The following SUSD5 variants were observed in gnomAD, a reference collection of about 807,000 sequenced individuals.
The protein encoded by SUSD5 is sushi domain-containing protein 5.
Under a neutral mutation model 29.5 loss-of-function variants are expected in SUSD5, and 33 were observed. The ratio of observed to expected loss-of-function variants is 1.12; its 90% CI spans 0.85 to 1.49. The LOEUF (loss-of-function observed/expected upper bound fraction) is 1.49, where lower values mean the gene tolerates loss of function less well. Ranked by LOEUF, SUSD5 falls within the 40% of genes most tolerant of loss-of-function variation. SUSD5 has a pLI of 0.00. For missense variants in SUSD5, 776 were observed against 800.6 expected, an observed-to-expected ratio of 0.97 and a Z score of 0.37; for synonymous variants, 308 against 325.3, an observed-to-expected ratio of 0.95 and a Z score of 0.57.
intron 4 of SUSD5, among the ~76,000 whole-genome samples, chr3:33,166,977 G>A (rs1362428384): frequency 6.6e-5 from 10 of 152,000 alleles, no homozygotes; most frequent in African/African-American, 2.2e-4. Context: ...TCAGGAGTTC[G>A]AGACCAGCCT....
At position 33,150,694 on chromosome 3, in the gene SUSD5, A is replaced by G. The variant is rs2030852580; in HGVS notation, c.*2048T>C. On this transcript the variant is annotated 3_prime_UTR_variant, in exon 5 of 5. Coordinates refer to ENST00000309558, the MANE Select transcript of SUSD5 (RefSeq NM_015551.2). ...ACTATGGGGAATAAGATCTTTGATTATGCTGCCTCTCTTTACAGCTACTTC... is the reference window on the plus strand; with the variant it reads ...ACTATGGGGAATAAGATCTTTGATTGTGCTGCCTCTCTTTACAGCTACTTC... 2 of 152,212 alleles carry G rather than the reference A, an allele frequency of 1.3e-5. No individual in the cohort carries two copies. The highest frequency in any genetic ancestry group is 2.9e-5 in the Non-Finnish European group (2 of 68,034). 9.4% of individuals were successfully genotyped at this position (152,212 alleles called of 1,614,324 possible). A position where few individuals can be genotyped will look rare whatever the true frequency, so the allele number is the denominator to read the frequency against.
chr3:33,153,124 A>G lies in SUSD5; in HGVS notation c.1508T>C (p.Val503Ala), dbSNP rs776681212. Residue 503 changes from valine to alanine, a missense_variant, in exon 5 of 5, where the codon GTC becomes GCC. Transcript: ENST00000309558. ...GGGGATGTGGTTAGGTGTCTGCTTG[A>G]CAGTGTTCACTGTTAATATCTCCAG... ...STLEILTVNT[V>A]KQTPNHIPST... 4 of 1,613,794 alleles carry G rather than the reference A, an allele frequency of 2.5e-6. No individual in the cohort carries two copies. Among genetic ancestry groups the G allele is most frequent in the Non-Finnish European group, 3.4e-6 (4 of 1,179,824 alleles).
intron 3 of SUSD5, among the ~76,000 whole-genome samples, chr3:33,188,326 C>A (rs2125625635): frequency 6.6e-6 from 1 of 152,236 alleles, no homozygotes; most frequent in Non-Finnish European, 1.5e-5. Context: ...CTGATCTTTC[C>A]TCCTTCCTTT....
rs1229165477 is a variant in SUSD5 at position 33,150,995 on chromosome 3, C to G, written c.*1747G>C. ...CATTTCTGTGCCAACATACAGGAGA[C>G]TATTGCAGGTGGCATTTAGGCAGCT... On this transcript the variant is annotated 3_prime_UTR_variant, in exon 5 of 5. Coordinates refer to ENST00000309558, the MANE Select transcript of SUSD5 (RefSeq NM_015551.2). 6.6e-6 allele frequency: 1 copy of G among 152,208 alleles called. No homozygotes were observed. Among genetic ancestry groups the G allele is most frequent in the Non-Finnish European group, 1.5e-5 (1 of 68,036 alleles). The allele number at this position is 152,208 out of a possible 1,614,324, so 9.4% of individuals were successfully genotyped here.
intron 4 of SUSD5, among the ~76,000 whole-genome samples, chr3:33,158,041 A>G (rs1057401686): frequency 2.0e-5 from 3 of 152,232 alleles, no homozygotes; most frequent in Non-Finnish European, 4.4e-5. Context: ...TATCTACTAT[A>G]GGTATTCTTA....
Position 33,169,918 on chromosome 3 carries a change from T to C in SUSD5, c.598+4968A>G, listed in dbSNP as rs529525879. On this transcript the variant is annotated intron_variant, in intron 4 of 4. Transcript: ENST00000309558. ...TAGCCCTGTGGCATCTTTTCTTTTCTTTCTTTCTTTTTTTTTTGAGACAGA... is the reference window on the plus strand; with the variant it reads ...TAGCCCTGTGGCATCTTTTCTTTTCCTTCTTTCTTTTTTTTTTGAGACAGA... 7.1e-5 allele frequency among the ~76,000 whole-genome samples: 10 copies of C among 140,702 alleles called. No individual in the cohort carries two copies. The East Asian group carries it at 1.9e-3, about 27-fold the overall frequency. The allele number at this position is 140,702 out of a possible 152,430, so 92.3% of individuals were successfully genotyped here.
rs185250912 is a variant in SUSD5 at position 33,176,756 on chromosome 3, C to T, written c.410-1682G>A. ...TTACATTTAGGTCTATGGTCCATCT[C>T]GAGTTAATTTTTGTGAAGGGTGTAA... On this transcript the variant is annotated intron_variant, in intron 3 of 4. Coordinates refer to ENST00000309558, the MANE Select transcript of SUSD5 (RefSeq NM_015551.2). Among the ~76,000 whole-genome samples, 73 of 152,240 alleles carry T rather than the reference C, an allele frequency of 4.8e-4. 1 individual carries two copies. Among genetic ancestry groups the T allele is most frequent in the South Asian group, 1.5e-3 (7 of 4,820 alleles).
intron 2 of SUSD5, among the ~76,000 whole-genome samples, chr3:33,211,048 A>AT (rs2032313456): frequency 6.6e-6 from 1 of 151,704 alleles, no homozygotes; most frequent in African/African-American, 2.4e-5. Context: ...TAAGTTTTGT[A>AT]TTTTTTTATT....
At chr3:33,209,367 A>G (rs1474527216) in intron 2 of SUSD5, among the ~76,000 whole-genome samples, 2 of 151,314 alleles carry the variant, frequency 1.3e-5, no homozygotes. Flanking sequence ...CTTTTATTCT[A>G]TTTTCTTTTA....
intron 4 of SUSD5, among the ~76,000 whole-genome samples, chr3:33,161,452 G>A (rs1412045085): frequency 1.3e-5 from 2 of 151,626 alleles, no homozygotes; most frequent in Admixed American, 6.6e-5. Context: ...AGGCAGGAAA[G>A]CAGAGAAAAA....
rs549446603 is a variant in SUSD5, at chr3:33,177,787, A to T, written c.410-2713T>A. On this transcript the variant is annotated intron_variant, in intron 3 of 4. Transcript: ENST00000309558. ...CAATCCTGCTATAATTGCTTTTTTTAAAAAAATTATACTTTAAGTTCTGGG... is the reference window on the plus strand; with the variant it reads ...CAATCCTGCTATAATTGCTTTTTTTTAAAAAATTATACTTTAAGTTCTGGG... Among the ~76,000 whole-genome samples, 130 of 152,212 alleles carry T rather than the reference A, an allele frequency of 8.5e-4. 3 individuals carry two copies. The South Asian group carries it at 0.02, about 23-fold the overall frequency.
At chr3:33,162,917 CA>C (rs35165045) in intron 4 of SUSD5, among the ~76,000 whole-genome samples, 41 of 133,412 alleles carry the variant, frequency 3.1e-4, no homozygotes, top group African/African-American at 5.7e-4. Flanking sequence ...AACTCCATCT[CA>C]AAAAAAAAAA....
In SUSD5 at chr3:33,152,679, C is replaced by T. The variant is rs903926959; in HGVS notation, c.*63G>A. 11 of 1,486,688 alleles carry T rather than the reference C, an allele frequency of 7.4e-6. No individual in the cohort carries two copies. The African/African-American group carries it at 1.3e-4, about 17-fold the overall frequency. 92.1% of individuals were successfully genotyped at this position (1,486,688 alleles called of 1,614,324 possible). A position where few individuals can be genotyped will look rare whatever the true frequency, so the allele number is the denominator to read the frequency against. ...CCTGCGTCATGCTCTAGTGAATTATCGTGTGATGTGTCACAGTTATTTTCC... is the reference window on the plus strand; with the variant it reads ...CCTGCGTCATGCTCTAGTGAATTATTGTGTGATGTGTCACAGTTATTTTCC... On this transcript the variant is annotated 3_prime_UTR_variant, in exon 5 of 5. Transcript: ENST00000309558.
intron 3 of SUSD5, 120 bp downstream of exon 3, chr3:33,207,688 T>C: frequency 1.6e-6 from 1 of 614,356 alleles, no homozygotes; most frequent in Non-Finnish European, 2.8e-6. Context: ...TTGGAAGACT[T>C]CCTGATAAAC....
At chr3:33,201,550 A>C (rs1243122356) in intron 3 of SUSD5, among the ~76,000 whole-genome samples, 3 of 152,218 alleles carry the variant, frequency 2.0e-5, no homozygotes, top group Non-Finnish European at 2.9e-5. Flanking sequence ...CTGGTGTATC[A>C]GGACTGGTCT....
rs569674019 is a variant in SUSD5, at chr3:33,178,587, C to A, written c.410-3513G>T. Among the ~76,000 whole-genome samples, 370 of 152,202 alleles carry A rather than the reference C, an allele frequency of 2.4e-3. 1 individual carries two copies. Among genetic ancestry groups the A allele is most frequent in the African/African-American group, 8.5e-3 (351 of 41,532 alleles). On this transcript the variant is annotated intron_variant, in intron 3 of 4. Transcript: ENST00000309558. ...TCAGCCTCCCGAGTAGCTGGGACTA[C>A]AGGTGCCCACCACCACGCCCGGCTA...
At chr3:33,173,473 C>G (rs2031477703) in intron 4 of SUSD5, among the ~76,000 whole-genome samples, 1 of 152,152 alleles carries the variant, frequency 6.6e-6, no homozygotes, top group African/African-American at 2.4e-5. Context: ...AAATGTCCAC[C>G]AACAGCTGAT....
intron 3 of SUSD5, among the ~76,000 whole-genome samples, chr3:33,198,559 TC>T (rs2032040795): frequency 6.6e-6 from 1 of 152,184 alleles, no homozygotes; most frequent in African/African-American, 2.4e-5. Context: ...AAAAAGTGCA[TC>T]CTAGCTGAGA....
At position 33,152,867 on chromosome 3, in the gene SUSD5, G is replaced by A. The variant is rs1461081759; in HGVS notation, c.1765C>T (p.Leu589=). The A allele has an allele frequency of 6.2e-7, 1 of 1,613,994 alleles. No homozygotes were observed. Among genetic ancestry groups the A allele is most frequent in the East Asian group, 2.2e-5 (1 of 44,862 alleles). ...CCCCACACCATCCCCACACCTGCCA[G>A]GAGCAGCAGTAGGCACAGGACGGTG... ...IVTVLCLLLL[L]AGVGMVWGYR... is the part of the protein sequence containing the mutation. The change falls in exon 5 of 5, where the codon CTG becomes TTG. Residue 589 remains leucine, a synonymous_variant. Transcript: ENST00000309558.
Sources: allele counts gnomAD v4.1 joint callset (sites outside exome capture counted in the v4.1 genomes callset), GRCh38; gene constraint gnomAD v4.1.1; transcripts MANE v1.5; gene names NCBI Gene and HGNC (gene_info 2026-07-23, HGNC 2026-07-21).